RAB28: variants seen among roughly 807,000 people sequenced by gnomAD.
RAB28 encodes ras-related protein Rab-28.
In RAB28, 24 loss-of-function variants were observed where a neutral mutation model predicts 31.7. The ratio of observed to expected loss-of-function variants is 0.76; its 90% CI spans 0.55 to 1.06. The LOEUF (loss-of-function observed/expected upper bound fraction) is 1.06. Ranked by LOEUF, RAB28 falls within the 50% of genes least tolerant of loss-of-function variation. RAB28 has a pLI of 0.00. For synonymous variants in RAB28, 100 were observed against 90.4 expected, an observed-to-expected ratio of 1.11 and a Z score of -0.60; for missense variants, 254 against 258.5, an observed-to-expected ratio of 0.98 and a Z score of 0.12.
chr4:13,381,257 C>T (rs1289142561), intron 5 of RAB28, among the ~76,000 whole-genome samples: 1 of 152,060 alleles, frequency 6.6e-6, no homozygotes, highest in Non-Finnish European at 1.5e-5. Context: ...TAGATACTGA[C>T]ATTACGGGTG....
chr4:13,456,991 CCT>C (rs1560139800), intron 4 of RAB28, among the ~76,000 whole-genome samples: 1 of 151,842 alleles, frequency 6.6e-6, no homozygotes, highest in Non-Finnish European at 1.5e-5. Flanking sequence ...GTGTATTCAC[CCT>C]CTCTTTTTCT....
chr4:13,461,490 C>A (rs1715589900), intron 3 of RAB28, among the ~76,000 whole-genome samples: 1 of 152,100 alleles, frequency 6.6e-6, no homozygotes, highest in Non-Finnish European at 1.5e-5. Context: ...ATTTTTCTAT[C>A]CCTTTAATCA....
At chr4:13,459,942 C>T (rs1715502281) in intron 4 of RAB28, 2 of 1,275,742 alleles carry the variant, frequency 1.6e-6, no homozygotes, top group African/African-American at 3.1e-5. Context: ...GAAGCCAAAA[C>T]ACACACTGTC....
intron 4 of RAB28, among the ~76,000 whole-genome samples, chr4:13,419,245 T>C (rs1231368181): frequency 2.6e-5 from 4 of 152,138 alleles, no homozygotes; most frequent in Non-Finnish European, 4.4e-5. Flanking sequence ...CCCAGATTCA[T>C]AAAGCAAGTC....
intron 1 of RAB28, among the ~76,000 whole-genome samples, chr4:13,483,753 A>G (rs1397624099): frequency 6.6e-6 from 1 of 152,190 alleles, no homozygotes; most frequent in Non-Finnish European, 1.5e-5. Context: ...CCAGACTACA[A>G]GTAAGAGGAG....
intron 4 of RAB28, among the ~76,000 whole-genome samples, chr4:13,447,768 T>A (rs1219535769): frequency 6.6e-6 from 1 of 152,156 alleles, no homozygotes; most frequent in Non-Finnish European, 1.5e-5. Context: ...ATCCATCATA[T>A]ACCATACATG....
Position 13,415,369 on chromosome 4 carries a change from G to A in RAB28, c.392-33775C>T, listed in dbSNP as rs534070289. On this transcript the variant is annotated intron_variant, in intron 4 of 6. Transcript: ENST00000330852. ...TCCTGGGCTGGCTGAGGCCGGAGCC[G>A]GCTCCCTCAGCTTGCAGGGAGGTGT... 1.4e-4 allele frequency among the ~76,000 whole-genome samples: 21 copies of A among 152,286 alleles called. No homozygotes were observed. The South Asian group carries it at 3.7e-3, about 27-fold the overall frequency.
At position 13,440,221 on chromosome 4, in the gene RAB28, A is replaced by G. The variant is rs142560282; in HGVS notation, c.391+20478T>C. ...TTAAAGATGATATTTCATATGCTTCATATTTATTAAGCATGATACAAGTCA... is the reference window on the plus strand; with the variant it reads ...TTAAAGATGATATTTCATATGCTTCGTATTTATTAAGCATGATACAAGTCA... On this transcript the variant is annotated intron_variant, in intron 4 of 6. Transcript: ENST00000330852. 3.6e-3 allele frequency among the ~76,000 whole-genome samples: 544 copies of G among 152,282 alleles called. 5 individuals are homozygous for G. Among genetic ancestry groups the G allele is most frequent in the African/African-American group, 0.013 (530 of 41,576 alleles).
chr4:13,474,074 C>G lies in RAB28; in HGVS notation c.261+244G>C, dbSNP rs149228805. 932 of 631,600 alleles carry G rather than the reference C, an allele frequency of 1.5e-3. 7 individuals are homozygous for G. In the African/African-American group the frequency reaches 0.015, roughly 10 times the overall value. 39.1% of individuals were successfully genotyped at this position (631,600 alleles called of 1,614,324 possible). A position where few individuals can be genotyped will look rare whatever the true frequency, so the allele number is the denominator to read the frequency against. On this transcript the variant is annotated intron_variant, in intron 3 of 6. Coordinates refer to ENST00000330852, the MANE Select transcript of RAB28 (RefSeq NM_001017979.3). ...ATTTATTGAACTGCTAACAATAACA[C>G]CTAGTAATGTAAATAACATACGAAA...
chr4:13,483,014 T>C (rs1410269556), intron 1 of RAB28, among the ~76,000 whole-genome samples: 1 of 152,028 alleles, frequency 6.6e-6, no homozygotes, highest in Non-Finnish European at 1.5e-5. Context: ...TAGACTATGG[T>C]TGGGATAAGG....
intron 6 of RAB28, chr4:13,371,443 C>T (rs1012130941): frequency 1.0e-6 from 1 of 985,166 alleles, no homozygotes; most frequent in African/African-American, 1.7e-5. Context: ...TGGTTTAAGT[C>T]TTATCCTATA....
intron 6 of RAB28, chr4:13,370,947 G>A (rs1728690745): frequency 4.1e-6 from 4 of 977,712 alleles, no homozygotes; most frequent in Non-Finnish European, 4.9e-6. Flanking sequence ...CAGATAACAT[G>A]TTACCCAAAT....
chr4:13,439,639 C>G (rs983730499), intron 4 of RAB28, among the ~76,000 whole-genome samples: 3 of 152,132 alleles, frequency 2.0e-5, no homozygotes, highest in African/African-American at 7.2e-5. Context: ...AAGCACTTGG[C>G]CCAAGGTCAT....
intron 2 of RAB28, among the ~76,000 whole-genome samples, chr4:13,476,222 CAT>C (rs1323506857): frequency 4.0e-5 from 6 of 151,498 alleles, no homozygotes; most frequent in African/African-American, 1.5e-4. Context: ...ATCTTCATTA[CAT>C]GTTTTCAAAT....
chr4:13,454,713 T>C (rs1011481916), intron 4 of RAB28, among the ~76,000 whole-genome samples: 2 of 152,178 alleles, frequency 1.3e-5, no homozygotes, highest in African/African-American at 4.8e-5. Flanking sequence ...TCAGGGTGCA[T>C]ACATGCACAT....
At chr4:13,479,564 T>C (rs1438323334) in intron 1 of RAB28, 38 bp from the exon 2 acceptor site, 1 of 1,307,520 alleles carries the variant, frequency 7.6e-7, no homozygotes, top group Non-Finnish European at 1.1e-6. Flanking sequence ...AATTAATTCA[T>C]TAAAGAAATG....
intron 4 of RAB28, among the ~76,000 whole-genome samples, chr4:13,440,846 AC>A (rs1259029746): frequency 6.6e-6 from 1 of 152,108 alleles, no homozygotes; most frequent in African/African-American, 2.4e-5. Flanking sequence ...AGATAAGGAC[AC>A]GACACATGCA....
chr4:13,447,686 TAGTG>T (rs908032436), intron 4 of RAB28, among the ~76,000 whole-genome samples: 53 of 152,230 alleles, frequency 3.5e-4, no homozygotes, highest in African/African-American at 1.2e-3. Flanking sequence ...GCCTGGCAAA[TAGTG>T]AGAATTCAAT....
At chr4:13,447,027 G>T (rs185200431) in intron 4 of RAB28, among the ~76,000 whole-genome samples, 5 of 151,974 alleles carry the variant, frequency 3.3e-5, no homozygotes, top group Admixed American at 6.5e-5. Context: ...TTGGCATTAC[G>T]TTGCTTCTTC....
Sources: gnomAD v4.1 joint callset for allele counts (sites outside exome capture counted in the v4.1 genomes callset) on GRCh38, gnomAD v4.1.1 for gene constraint, MANE v1.5 for transcripts, NCBI Gene and HGNC (gene_info 2026-07-23, HGNC 2026-07-21) for gene names.